Variants in ANKRD50 observed in about 807,000 individuals in gnomAD.
ANKRD50 encodes the protein ankyrin repeat domain-containing protein 50.
ANKRD50 carries 40 observed loss-of-function variants against 112.0 expected under a neutral mutation model. The observed-to-expected ratio is 0.36, with a 90% CI of 0.28 to 0.46. The LOEUF is 0.46. ANKRD50 is among the 20% of genes least tolerant of loss of function. ANKRD50 has a pLI of 1.00. For synonymous variants in ANKRD50, 613 were observed against 619.1 expected, an observed-to-expected ratio of 0.99 and a Z score of 0.15; for missense variants, 1,487 against 1,701.7, an observed-to-expected ratio of 0.87 and a Z score of 2.22.
At chr4:124,683,189 G>A (rs1724932213) in intron 2 of ANKRD50, among the ~76,000 whole-genome samples, 1 of 151,208 alleles carries the variant, frequency 6.6e-6, no homozygotes, top group Non-Finnish European at 1.5e-5. Flanking sequence ...TGTAACAGTA[G>A]GTGTTTTCCT....
chr4:124,670,932 C>T lies in ANKRD50; in HGVS notation c.2345G>A (p.Arg782His), dbSNP rs760484722. 1.2e-5 allele frequency: 19 copies of T among 1,613,644 alleles called. No individual in the cohort carries two copies. Among genetic ancestry groups the T allele is most frequent in the South Asian group, 3.3e-5 (3 of 91,084 alleles). The stretch of plus-strand genomic sequence containing the variant: ...AGACGCTGCTGCTAAGAGGGGTGTA[C>T]GGCCATTGTTATCTGTGTGATCTAC... ...ADVDHTDNNG[R>H]TPLLAAASMG... Residue 782 changes from arginine to histidine, a missense_variant, in exon 4 of 5, where the codon CGT becomes CAT. Transcript: ENST00000504087.
intron 2 of ANKRD50, among the ~76,000 whole-genome samples, chr4:124,685,752 C>A (rs1455924984): frequency 6.6e-6 from 1 of 151,966 alleles, no homozygotes. Flanking sequence ...TTATTACATT[C>A]TTAATTTTTT....
rs894298780 is a variant in ANKRD50, at chr4:124,669,561, G to A, written c.3716C>T (p.Thr1239Ile). ...RQSIVSPSST[T>I]QSLGQSHNSP... is the part of the protein sequence containing the mutation. ...ATTATGACTCTGTCCTAAGGACTGT[G>A]TTGTGGAAGATGGGGAAACAATTGA... Residue 1239 changes from threonine (T) to isoleucine (I), a missense_variant, in exon 4 of 5, where the codon ACA (threonine) becomes ATA (isoleucine). Physicochemically the swap from Thr to Ile is moderately conservative, Grantham distance 89 (BLOSUM62 -1). Transcript: ENST00000504087. 4 of 1,613,202 alleles carry A rather than the reference G, an allele frequency of 2.5e-6. No homozygotes were observed. Among genetic ancestry groups the A allele is most frequent in the Non-Finnish European group, 3.4e-6 (4 of 1,179,842 alleles).
intron 2 of ANKRD50, among the ~76,000 whole-genome samples, chr4:124,689,293 C>T (rs1273692133): frequency 6.6e-6 from 1 of 152,080 alleles, no homozygotes; most frequent in Non-Finnish European, 1.5e-5. Flanking sequence ...TTATTCATTC[C>T]AGTGTCACGT....
At chr4:124,697,991 A>T (rs995020243) in intron 2 of ANKRD50, among the ~76,000 whole-genome samples, 1 of 152,230 alleles carries the variant, frequency 6.6e-6, no homozygotes, top group African/African-American at 2.4e-5. Context: ...TGCATGAAAC[A>T]AACAATAGTA....
At chr4:124,675,256 AGG>A (rs1730748412) in intron 3 of ANKRD50, among the ~76,000 whole-genome samples, 1 of 151,772 alleles carries the variant, frequency 6.6e-6, no homozygotes, top group South Asian at 2.1e-4. Flanking sequence ...ATTATTTCTC[AGG>A]GTACCGCATT....
At position 124,666,562 on chromosome 4, in the gene ANKRD50, A is replaced by G. The variant is rs1353949972; in HGVS notation, c.*956T>C. On this transcript the variant is annotated 3_prime_UTR_variant, in exon 5 of 5. Transcript: ENST00000504087. ...AACCGCTGAGAGAGAAGCCAGCAAA[A>G]TTAATTTATTTAGCCAGGAGGAAGA... 1.3e-5 allele frequency: 2 copies of G among 152,176 alleles called. No individual in the cohort carries two copies. The highest frequency in any genetic ancestry group is 4.8e-5 in the African/African-American group (2 of 41,282). The allele number at this position is 152,176 out of a possible 1,614,324, so 9.4% of individuals were successfully genotyped here. A position where few individuals can be genotyped will look rare whatever the true frequency, so the allele number is the denominator to read the frequency against.
chr4:124,710,912 G>A lies in ANKRD50; in HGVS notation c.-401C>T. 1 of 420,656 alleles carries A rather than the reference G, an allele frequency of 2.4e-6. No homozygotes were observed. Among genetic ancestry groups the A allele is most frequent in the Non-Finnish European group, 4.2e-6 (1 of 237,478 alleles). The allele number at this position is 420,656 out of a possible 1,614,324, so 26.1% of individuals were successfully genotyped here. On this transcript the variant is annotated 5_prime_UTR_variant, in exon 2 of 5. Transcript: ENST00000504087. ...TCAATTTGTACAAAATGCTTCTCCAGATTCCAAGTGTTAATTCTGCATCTG... is the reference window on the plus strand; with the variant it reads ...TCAATTTGTACAAAATGCTTCTCCAAATTCCAAGTGTTAATTCTGCATCTG...
intron 2 of ANKRD50, among the ~76,000 whole-genome samples, chr4:124,698,774 T>C (rs1375043118): frequency 6.6e-6 from 1 of 152,178 alleles, no homozygotes; most frequent in Non-Finnish European, 1.5e-5. Flanking sequence ...GTTAGGATTG[T>C]ATTGAATCTA....
intron 2 of ANKRD50, among the ~76,000 whole-genome samples, chr4:124,680,181 G>A (rs1724847240): frequency 6.6e-6 from 1 of 152,068 alleles, no homozygotes; most frequent in Non-Finnish European, 1.5e-5. Flanking sequence ...ATTATGTAGT[G>A]TCTTTTTAAA....
At position 124,680,185 on chromosome 4, in the gene ANKRD50, T is replaced by C. The variant is rs116051582; in HGVS notation, c.513-1280A>G. Among the ~76,000 whole-genome samples the C allele has an allele frequency of 4.3e-3, 649 of 152,282 alleles. 6 individuals are homozygous for C. The highest frequency in any genetic ancestry group is 0.015 in the African/African-American group (625 of 41,548). On this transcript the variant is annotated intron_variant, in intron 2 of 4. Transcript: ENST00000504087. ...TTTTATATTTAATTATGTAGTGTCT[T>C]TTTAAAATTTTTCTTTAACTGTAAG...
In ANKRD50 at chr4:124,672,169, A is replaced by G. The variant is rs1380865975; in HGVS notation, c.1108T>C (p.Tyr370His). 3.7e-6 allele frequency: 6 copies of G among 1,613,798 alleles called. No homozygotes were observed. The highest frequency in any genetic ancestry group is 5.1e-6 in the Non-Finnish European group (6 of 1,179,884). The change falls in exon 4 of 5, where the codon TAT becomes CAT. Residue 370 changes from tyrosine to histidine, a missense_variant. Physicochemically the swap from Tyr to His is moderately conservative, Grantham distance 83. Transcript: ENST00000504087. Reference protein sequence around the residue: ...ACRPLTITELYHAVWTKNMSL... With the variant: ...ACRPLTITELHHAVWTKNMSL... ...ATGTTTTTGGTCCATACTGCGTGATATAATTCCGTTATGGTCAAAGGTCGG... is the reference window on the plus strand; with the variant it reads ...ATGTTTTTGGTCCATACTGCGTGATGTAATTCCGTTATGGTCAAAGGTCGG...
In ANKRD50 at chr4:124,666,356, C is replaced by T. The variant is rs1278351524; in HGVS notation, c.*1162G>A. 6.6e-6 allele frequency: 1 copy of T among 152,356 alleles called. No individual in the cohort carries two copies. The highest frequency in any genetic ancestry group is 1.5e-5 in the Non-Finnish European group (1 of 67,916). The allele number at this position is 152,356 out of a possible 1,614,324, so 9.4% of individuals were successfully genotyped here. A position where few individuals can be genotyped will look rare whatever the true frequency, so the allele number is the denominator to read the frequency against. On this transcript the variant is annotated 3_prime_UTR_variant, in exon 5 of 5. Coordinates refer to ENST00000504087, the MANE Select transcript of ANKRD50 (RefSeq NM_020337.3). The stretch of plus-strand genomic sequence containing the variant: ...GTATGAGGATAGAAAAGTGCAAATC[C>T]ATCACTATTAAGTAACAATAAAAAG...
intron 2 of ANKRD50, among the ~76,000 whole-genome samples, chr4:124,709,416 T>C (rs1048552463): frequency 2.0e-5 from 3 of 152,176 alleles, no homozygotes; most frequent in Non-Finnish European, 4.4e-5. Context: ...AAAGTAAAAG[T>C]AGTAAGATGA....
chr4:124,686,337 A>T (rs1354131687), intron 2 of ANKRD50, among the ~76,000 whole-genome samples: 1 of 152,150 alleles, frequency 6.6e-6, no homozygotes, highest in Non-Finnish European at 1.5e-5. Context: ...GACAAGCTGG[A>T]GGGAGAAAAA....
chr4:124,683,545 A>G (rs1420521345), intron 2 of ANKRD50, among the ~76,000 whole-genome samples: 2 of 151,544 alleles, frequency 1.3e-5, no homozygotes, highest in Non-Finnish European at 2.9e-5. Context: ...GTACCCCTTC[A>G]TGCTTTTAAT....
At chr4:124,684,711 GTC>G (rs1051188450) in intron 2 of ANKRD50, among the ~76,000 whole-genome samples, 7 of 152,086 alleles carry the variant, frequency 4.6e-5, no homozygotes, top group Admixed American at 3.3e-4. Flanking sequence ...GGGATTATAG[GTC>G]TCTCATAGTT....
intron 2 of ANKRD50, among the ~76,000 whole-genome samples, chr4:124,689,647 G>T (rs1422916867): frequency 6.6e-6 from 1 of 152,160 alleles, no homozygotes; most frequent in Non-Finnish European, 1.5e-5. Flanking sequence ...TGGGTCTTCA[G>T]ACTGCTGACT....
chr4:124,691,222 G>T (rs1311444219), intron 2 of ANKRD50, among the ~76,000 whole-genome samples: 3 of 152,062 alleles, frequency 2.0e-5, no homozygotes, highest in African/African-American at 4.8e-5. Context: ...GCCGGGCGTG[G>T]TGGCTCACGC....
Sources: gnomAD v4.1 joint callset for allele counts (sites outside exome capture counted in the v4.1 genomes callset) on GRCh38, gnomAD v4.1.1 for gene constraint, MANE v1.5 for transcripts, NCBI Gene and HGNC (gene_info 2026-07-23, HGNC 2026-07-21) for gene names.